Variants in HTR4 observed in about 807,000 individuals in gnomAD.
HTR4 encodes 5-hydroxytryptamine (serotonin) receptor 4, G protein-coupled.
Under a neutral mutation model 36.8 loss-of-function variants are expected in HTR4, and 16 were observed. That is an observed-to-expected ratio of 0.43 (90% CI 0.29 to 0.66). The LOEUF (loss-of-function observed/expected upper bound fraction) is 0.66. Ranked by LOEUF, HTR4 falls within the 30% of genes least tolerant of loss-of-function variation. The pLI, the probability that HTR4 is intolerant of heterozygous loss-of-function variation, is 0.13. For synonymous variants in HTR4, 189 were observed against 185.1 expected, an observed-to-expected ratio of 1.02 and a Z score of -0.17; for missense variants, 438 against 490.9, an observed-to-expected ratio of 0.89 and a Z score of 1.02.
intron 4 of HTR4, among the ~76,000 whole-genome samples, chr5:148,526,714 G>T (rs1758293761): frequency 6.6e-6 from 1 of 152,040 alleles, no homozygotes; most frequent in Admixed American, 6.6e-5. Context: ...ATAAAATCCT[G>T]TCATTTCCAG....
chr5:148,533,068 T>A (rs1305664641), intron 4 of HTR4, among the ~76,000 whole-genome samples: 2 of 152,210 alleles, frequency 1.3e-5, no homozygotes, highest in African/African-American at 4.8e-5. Flanking sequence ...AGAAGCTGAA[T>A]TAAAACGAAG....
intron 2 of HTR4, among the ~76,000 whole-genome samples, chr5:148,626,870 A>T (rs1301702074): frequency 4.5e-4 from 68 of 152,196 alleles, no homozygotes; most frequent in Admixed American, 4.5e-3. Context: ...ATTCACACTA[A>T]GTTAGCCAGC....
Position 148,550,133 on chromosome 5 carries a change from T to C in HTR4, c.152+4A>G, listed in dbSNP as rs1354287383. On this transcript the variant is annotated splice_donor_region_variant and intron_variant, in intron 3 of 6. Coordinates refer to ENST00000377888, the MANE Select transcript of HTR4 (RefSeq NM_000870.7). The stretch of plus-strand genomic sequence containing the variant: ...TCCTCAAAAGGTTCCCTCCTGCTGC[T>C]CACCTGAGCTGCCTGTCCCAGCACA... 1 of 1,613,958 alleles carries C rather than the reference T, an allele frequency of 6.2e-7. No individual in the cohort carries two copies. The highest frequency in any genetic ancestry group is 2.2e-5 in the East Asian group (1 of 44,862).
At chr5:148,510,932 A>G (rs1377398027) in intron 5 of HTR4, among the ~76,000 whole-genome samples, 1 of 152,226 alleles carries the variant, frequency 6.6e-6, no homozygotes, top group East Asian at 1.9e-4. Context: ...AAGATTGGGT[A>G]GGGCAAGGTC....
At chr5:148,648,323 C>T (rs559024426) in intron 1 of HTR4, among the ~76,000 whole-genome samples, 68 of 152,064 alleles carry the variant, frequency 4.5e-4, no homozygotes, top group African/African-American at 1.5e-3. Context: ...GAGTTAGAGT[C>T]GTGCTAGGTG....
chr5:148,532,530 G>T (rs146198569), intron 4 of HTR4, among the ~76,000 whole-genome samples: 2 of 152,340 alleles, frequency 1.3e-5, no homozygotes, highest in African/African-American at 4.8e-5. Context: ...GAGGGATGGG[G>T]AAAGGCTTTC....
chr5:148,584,309 G>T (rs750342120), intron 2 of HTR4, among the ~76,000 whole-genome samples: 1 of 152,100 alleles, frequency 6.6e-6, no homozygotes, highest in Non-Finnish European at 1.5e-5. Flanking sequence ...TAATCAGCTG[G>T]TGGCAGAGCC....
In HTR4 at chr5:148,610,604, C is replaced by G. The variant is rs1201451440; in HGVS notation, c.26+26385G>C. ...AAACAGAACAGAAAAACTGGAAACT[C>G]TAAAAATCAGAGTGCCTCTCCTCCT... On this transcript the variant is annotated intron_variant, in intron 2 of 6. Transcript: ENST00000377888. 3.3e-5 allele frequency among the ~76,000 whole-genome samples: 5 copies of G among 152,134 alleles called. No individual in the cohort carries two copies. The South Asian group carries it at 8.3e-4, about 25-fold the overall frequency.
intron 4 of HTR4, among the ~76,000 whole-genome samples, chr5:148,533,363 T>G (rs952292596): frequency 1.3e-5 from 2 of 152,196 alleles, no homozygotes; most frequent in Non-Finnish European, 2.9e-5. Context: ...AAAACTCCAT[T>G]AAAATCTGCT....
chr5:148,617,518 G>C (rs980470451), intron 2 of HTR4, among the ~76,000 whole-genome samples: 1 of 151,366 alleles, frequency 6.6e-6, no homozygotes, highest in Admixed American at 6.6e-5. Context: ...ACACAGGCTA[G>C]AATGCAGTGG....
chr5:148,513,168 T>G (rs1235062592), intron 5 of HTR4, among the ~76,000 whole-genome samples: 1 of 152,038 alleles, frequency 6.6e-6, no homozygotes, highest in Non-Finnish European at 1.5e-5. Context: ...TTTAAATATT[T>G]TTTGTAAAGA....
At chr5:148,574,944 T>A (rs750736110) in intron 2 of HTR4, among the ~76,000 whole-genome samples, 14 of 152,116 alleles carry the variant, frequency 9.2e-5, no homozygotes, top group Non-Finnish European at 1.8e-4. Flanking sequence ...GCAAGCATGA[T>A]AGGATAACTA....
intron 2 of HTR4, chr5:148,629,896 C>T (rs866565980): frequency 6.6e-6 from 1 of 152,128 alleles, no homozygotes; most frequent in Non-Finnish European, 1.5e-5. Flanking sequence ...ATTTTTCAGA[C>T]TTTCTTGCCC....
chr5:148,643,820 T>C (rs750659186), intron 1 of HTR4, among the ~76,000 whole-genome samples: 18 of 152,240 alleles, frequency 1.2e-4, no homozygotes, highest in Non-Finnish European at 2.1e-4. Flanking sequence ...TTGATCTATG[T>C]GCCTTGGCAA....
At chr5:148,460,469 A>G (rs1325825056) in intron 5 of HTR4, among the ~76,000 whole-genome samples, 2 of 152,156 alleles carry the variant, frequency 1.3e-5, no homozygotes, top group Non-Finnish European at 2.9e-5. Flanking sequence ...GCAAGAAAGA[A>G]AAGAGTAGAG....
chr5:148,606,085 C>G (rs918738272), intron 2 of HTR4, among the ~76,000 whole-genome samples: 15 of 151,968 alleles, frequency 9.9e-5, no homozygotes, highest in African/African-American at 3.6e-4. Flanking sequence ...ATTCAAAATA[C>G]AAACAGAAAG....
chr5:148,592,248 A>G (rs1761601718), intron 2 of HTR4, among the ~76,000 whole-genome samples: 1 of 152,162 alleles, frequency 6.6e-6, no homozygotes, highest in Non-Finnish European at 1.5e-5. Context: ...GGAGGGTGAG[A>G]GGAGGGAGAG....
chr5:148,630,449 G>A (rs1296812562), intron 2 of HTR4: 1 of 152,146 alleles, frequency 6.6e-6, no homozygotes, highest in Admixed American at 6.6e-5. Flanking sequence ...AGGTATAGAA[G>A]ACCAGTGGTT....
At position 148,548,857 on chromosome 5, in the gene HTR4, G is replaced by A. The variant is rs778316623; in HGVS notation, c.164C>T (p.Thr55Ile). 6.2e-7 allele frequency: 1 copy of A among 1,612,736 alleles called. No homozygotes were observed. Residue 55 changes from threonine (T) to isoleucine (I), a missense_variant, in exon 4 of 7, where the codon ACA becomes ATA. Physicochemically the swap from Thr to Ile is moderately conservative, Grantham distance 89. Transcript: ENST00000377888. ...CWDRQLRKIK[T>I]NYFIVSLAFA... Reference sequence around the variant, plus strand: ...AGCAAGAGATACAATGAAATAATTTGTTTTTATTTTCCTGTGAGTGAAAAA... The same window carrying A: ...AGCAAGAGATACAATGAAATAATTTATTTTTATTTTCCTGTGAGTGAAAAA...
Sources: allele counts gnomAD v4.1 joint callset (sites outside exome capture counted in the v4.1 genomes callset), GRCh38; gene constraint gnomAD v4.1.1; transcripts MANE v1.5; gene names NCBI Gene and HGNC (gene_info 2026-07-23, HGNC 2026-07-21).